The following GALNT6 variants were observed in gnomAD, a reference collection of about 807,000 sequenced individuals.
The protein encoded by GALNT6 is polypeptide N-acetylgalactosaminyltransferase 6, also known as GalNAc transferase 6.
In GALNT6, 51 loss-of-function variants were observed where a neutral mutation model predicts 65.9. That is an observed-to-expected ratio of 0.77 (90% CI 0.62 to 0.98). GALNT6 has a LOEUF of 0.98. Ranked by LOEUF, GALNT6 falls within the 50% of genes least tolerant of loss-of-function variation. The pLI is 0.00. For missense variants in GALNT6, 708 were observed against 803.3 expected (o/e 0.88, Z 1.43); for synonymous variants, 323 against 315.1 (o/e 1.02, Z -0.26).
chr12:51,381,479 T>C (rs2137770158), intron 2 of GALNT6, among the ~76,000 whole-genome samples: 1 of 152,334 alleles, frequency 6.6e-6, no homozygotes, highest in Middle Eastern at 3.4e-3. Context: ...GCAAGGGACC[T>C]GGGCACAAAT....
In GALNT6 at chr12:51,364,285, GC is replaced by G; in HGVS notation, c.884del (p.Ser295ThrfsTer33). 1 of 1,614,150 alleles carries G rather than the reference GC, an allele frequency of 6.2e-7. No homozygotes were observed. The highest frequency in any genetic ancestry group is 8.5e-7 in the Non-Finnish European group (1 of 1,179,996). On this transcript the variant is annotated frameshift_variant, in exon 6 of 12. Transcript: ENST00000356317. LOFTEE classifies it high-confidence loss of function. Reference protein sequence around the residue: ...RIAEDKTVVVSPDIVTIDLNT... With the variant: ...RIAEDKTVVVXPDIVTIDLNT... ...TAAGGTCGATGGTGACGATGTCTGG[GC>G]TCACCACCACTGTCTTGTCCTCAGC...
At chr12:51,361,035 C>T (rs1424666632) in intron 6 of GALNT6, among the ~76,000 whole-genome samples, 197 bp from the exon 7 acceptor site, 1 of 152,150 alleles carries the variant, frequency 6.6e-6, no homozygotes, top group Admixed American at 6.6e-5. Context: ...AGGACCAGGT[C>T]AAGGAAATAT....
intron 4 of GALNT6, among the ~76,000 whole-genome samples, chr12:51,369,557 G>C (rs1947223640): frequency 6.6e-6 from 1 of 152,180 alleles, no homozygotes; most frequent in African/African-American, 2.4e-5. Flanking sequence ...TGCCAACACA[G>C]ACACCGCACT....
chr12:51,375,438 A>G (rs957470819), intron 4 of GALNT6, among the ~76,000 whole-genome samples: 5 of 152,200 alleles, frequency 3.3e-5, no homozygotes, highest in Non-Finnish European at 2.9e-5. Flanking sequence ...TTCTCGTACC[A>G]TGAATAAAAT....
chr12:51,381,892 C>CATT (rs1947684418), intron 2 of GALNT6, among the ~76,000 whole-genome samples: 1 of 152,380 alleles, frequency 6.6e-6, no homozygotes, highest in African/African-American at 2.4e-5. Context: ...AAGCCACGTT[C>CATT]ATTACTCCCT....
chr12:51,377,533 G>A (rs1213053813), intron 3 of GALNT6, among the ~76,000 whole-genome samples, 166 bp from the exon 4 acceptor site: 3 of 152,026 alleles, frequency 2.0e-5, no homozygotes, highest in Admixed American at 6.6e-5. Flanking sequence ...TGTCTTCCCC[G>A]GTATCTGCCA....
intron 4 of GALNT6, among the ~76,000 whole-genome samples, chr12:51,369,364 G>A (rs936378640): frequency 7.9e-5 from 12 of 152,098 alleles, no homozygotes; most frequent in Non-Finnish European, 1.5e-5. Flanking sequence ...TACTCCACCT[G>A]TTCCACCCCC....
At chr12:51,362,542 T>C (rs1483270506) in intron 6 of GALNT6, among the ~76,000 whole-genome samples, 1 of 151,326 alleles carries the variant, frequency 6.6e-6, no homozygotes, top group Admixed American at 6.6e-5. Context: ...TCCAGTTGTA[T>C]GGCCCTTGGA....
Position 51,362,564 on chromosome 12 carries a change from G to A in GALNT6, c.1049+1557C>T, listed in dbSNP as rs151253023. On this transcript the variant is annotated intron_variant, in intron 6 of 11. Transcript: ENST00000356317. Reference sequence around the variant, plus strand: ...GTATGGCCCTTGGACATTGAAGCCTGCGACGTCAGTGATGGGTGGGGGCCA... The same window carrying A: ...GTATGGCCCTTGGACATTGAAGCCTACGACGTCAGTGATGGGTGGGGGCCA... 2.0e-5 allele frequency among the ~76,000 whole-genome samples: 3 copies of A among 151,794 alleles called. No homozygotes were observed. In the East Asian group the frequency reaches 5.8e-4, roughly 29 times the overall value.
intron 4 of GALNT6, 36 bp from the exon 5 acceptor site, chr12:51,365,615 C>T (rs1375912884): frequency 6.2e-7 from 1 of 1,604,472 alleles, no homozygotes; most frequent in Middle Eastern, 1.7e-4. Flanking sequence ...CAGTCCACCA[C>T]TTTGCTGTAT....
rs1234082982 is a variant in GALNT6, at chr12:51,377,262, G to A, written c.597C>T (p.Ser199=). ...AWSTLLRTVY[S]VLHTTPAILL... ...AGATGGCAGGGGTGGTGTGTAGGACGCTGTACACTGTTCGCAGCAGTGTGG... is the reference window on the plus strand; with the variant it reads ...AGATGGCAGGGGTGGTGTGTAGGACACTGTACACTGTTCGCAGCAGTGTGG... The change falls in exon 4 of 12, where the codon AGC becomes AGT. Residue 199 remains serine (S), a synonymous_variant. Transcript: ENST00000356317. 2.6e-5 allele frequency: 42 copies of A among 1,613,646 alleles called. No individual in the cohort carries two copies. The East Asian group carries it at 9.1e-4, about 35-fold the overall frequency.
intron 2 of GALNT6, among the ~76,000 whole-genome samples, chr12:51,384,201 A>G (rs968474191): frequency 6.6e-6 from 1 of 152,132 alleles, no homozygotes. Context: ...TCCTCTCTGA[A>G]AAGCCTGCCT....
At position 51,377,187 on chromosome 12, in the gene GALNT6, A is replaced by C. The variant is rs1382908099; in HGVS notation, c.664+8T>G. ...CCGGCCCCCTCCTCTGGGCCCCTCC[A>C]GCCTCACCCTCTGTGCTGGCATCAT... On this transcript the variant is annotated splice_region_variant and intron_variant, in intron 4 of 11. Coordinates refer to ENST00000356317, the MANE Select transcript of GALNT6 (RefSeq NM_007210.4). 3 of 1,613,054 alleles carry C rather than the reference A, an allele frequency of 1.9e-6. No individual in the cohort carries two copies. In the East Asian group the frequency reaches 6.7e-5, roughly 36 times the overall value.
chr12:51,354,036 T>A lies in GALNT6; in HGVS notation c.*343A>T. Reference sequence around the variant, plus strand: ...CATTGTCTTCCCAAAGTGCTAGGATTTCAGGCATGAGCCACTGTGCCCAGC... The same window carrying A: ...CATTGTCTTCCCAAAGTGCTAGGATATCAGGCATGAGCCACTGTGCCCAGC... On this transcript the variant is annotated 3_prime_UTR_variant, in exon 12 of 12. Coordinates refer to ENST00000356317, the MANE Select transcript of GALNT6 (RefSeq NM_007210.4). The A allele has an allele frequency of 5.0e-6, 1 of 199,562 alleles. No individual in the cohort carries two copies. The highest frequency in any genetic ancestry group is 1.0e-5 in the Non-Finnish European group (1 of 100,200). The allele number at this position is 199,562 out of a possible 1,614,324, so 12.4% of individuals were successfully genotyped here.
intron 10 of GALNT6, 148 bp downstream of exon 10, chr12:51,357,201 G>A: frequency 1.7e-6 from 1 of 601,942 alleles, no homozygotes; most frequent in East Asian, 2.8e-5. Flanking sequence ...CAGACCTTGT[G>A]TGTGTTATGC....
rs1462990379 is a variant in GALNT6 at position 51,352,030 on chromosome 12, C to G, written c.*2349G>C. 6.6e-6 allele frequency: 1 copy of G among 152,274 alleles called. No individual in the cohort carries two copies. Among genetic ancestry groups the G allele is most frequent in the Non-Finnish European group, 1.5e-5 (1 of 68,098 alleles). The allele number at this position is 152,274 out of a possible 1,614,324, so 9.4% of individuals were successfully genotyped here. On this transcript the variant is annotated 3_prime_UTR_variant, in exon 12 of 12. Coordinates refer to ENST00000356317, the MANE Select transcript of GALNT6 (RefSeq NM_007210.4). ...TCCTCTGTAGGCTCCAGAAGGCTCTCAGGGATGTAGGCGGCCTCCCGCAGG... is the reference window on the plus strand; with the variant it reads ...TCCTCTGTAGGCTCCAGAAGGCTCTGAGGGATGTAGGCGGCCTCCCGCAGG...
chr12:51,374,697 C>G (rs568024988), intron 4 of GALNT6, among the ~76,000 whole-genome samples: 1 of 152,238 alleles, frequency 6.6e-6, no homozygotes, highest in Admixed American at 6.5e-5. Context: ...ACGAGGAGGG[C>G]TAAGCTTGTG....
intron 2 of GALNT6, among the ~76,000 whole-genome samples, chr12:51,385,075 A>C (rs1371613878): frequency 1.3e-5 from 2 of 151,822 alleles, no homozygotes; most frequent in Non-Finnish European, 2.9e-5. Flanking sequence ...TGCAGCCTTG[A>C]CCTCCTGGGC....
At chr12:51,373,601 G>A (rs749647010) in intron 4 of GALNT6, among the ~76,000 whole-genome samples, 8 of 152,196 alleles carry the variant, frequency 5.3e-5, no homozygotes, top group Non-Finnish European at 8.8e-5. Flanking sequence ...TCAGGTGAAA[G>A]AGCTTCCGAA....
Sources: allele counts gnomAD v4.1 joint callset (sites outside exome capture counted in the v4.1 genomes callset), GRCh38; gene constraint gnomAD v4.1.1; transcripts MANE v1.5; gene names NCBI Gene and HGNC (gene_info 2026-07-23, HGNC 2026-07-21).